EYS: variants seen among roughly 807,000 people sequenced by gnomAD.
The protein encoded by EYS is EGF-like photoreceptor maintenance factor, also known as protein eyes shut homolog.
EYS carries 250 observed loss-of-function variants against 282.1 expected under a neutral mutation model. The ratio of observed to expected loss-of-function variants is 0.89; its 90% confidence interval spans 0.80 to 0.98. The LOEUF is 0.98. EYS is among the 50% of genes least tolerant of loss of function. The probability of loss-of-function intolerance (pLI) is 0.00; values close to 1 mark genes in which losing one functional copy is unlikely to be tolerated. For synonymous variants in EYS, 1,355 were observed against 1,282.9 expected (o/e 1.06, Z -1.20); for missense variants, 4,016 against 3,709.0 (o/e 1.08, Z -2.15).
intron 33 of EYS, among the ~76,000 whole-genome samples, chr6:64,018,011 T>C (rs1768978947): frequency 6.6e-6 from 1 of 152,196 alleles, no homozygotes; most frequent in Admixed American, 6.5e-5. Context: ...TGCAGTAGCA[T>C]TTCTACCTCC....
chr6:64,489,351 C>T (rs1032682364), intron 26 of EYS, among the ~76,000 whole-genome samples: 2 of 150,516 alleles, frequency 1.3e-5, no homozygotes, highest in African/African-American at 4.9e-5. Context: ...AGTGGTCAGA[C>T]AATTGAGCTT....
At chr6:64,795,931 G>A (rs1336577097) in intron 22 of EYS, among the ~76,000 whole-genome samples, 1 of 152,172 alleles carries the variant, frequency 6.6e-6, no homozygotes, top group Non-Finnish European at 1.5e-5. Context: ...TACAGAAATG[G>A]AGAGAGATGC....
intron 35 of EYS, among the ~76,000 whole-genome samples, chr6:63,967,176 T>A (rs1766349067): frequency 6.6e-6 from 1 of 152,182 alleles, no homozygotes; most frequent in African/African-American, 2.4e-5. Flanking sequence ...ATGGGTTGCA[T>A]ATACAGCATA....
intron 2 of EYS, among the ~76,000 whole-genome samples, chr6:65,548,130 G>A (rs1768460337): frequency 6.6e-6 from 1 of 152,122 alleles, no homozygotes; most frequent in African/African-American, 2.4e-5. Flanking sequence ...GGTGTTATCT[G>A]CTACTAACAA....
intron 26 of EYS, among the ~76,000 whole-genome samples, chr6:64,522,999 GA>G (rs895007630): frequency 2.0e-5 from 3 of 150,408 alleles, no homozygotes; most frequent in Non-Finnish European, 4.4e-5. Flanking sequence ...CTTTTCAAAA[GA>G]AAAAAATGTC....
intron 22 of EYS, among the ~76,000 whole-genome samples, chr6:64,672,781 G>A (rs1366711536): frequency 6.6e-6 from 1 of 151,866 alleles, no homozygotes; most frequent in Middle Eastern, 3.2e-3. Flanking sequence ...CTGACAACCA[G>A]AAAAAAACAG....
chr6:64,890,242 A>C (rs191567806), intron 18 of EYS, among the ~76,000 whole-genome samples: 111 of 152,248 alleles, frequency 7.3e-4, no homozygotes, highest in Admixed American at 1.8e-3. Context: ...AAACTTCATT[A>C]GCAATTTTAA....
At chr6:64,223,165 C>T (rs1026510535) in intron 31 of EYS, among the ~76,000 whole-genome samples, 6 of 151,974 alleles carry the variant, frequency 3.9e-5, no homozygotes, top group African/African-American at 9.7e-5. Context: ...TGCATGATCA[C>T]TGAATACCAA....
intron 11 of EYS, among the ~76,000 whole-genome samples, chr6:65,301,725 G>C (rs1447292228): frequency 1.3e-5 from 2 of 152,228 alleles, no homozygotes; most frequent in African/African-American, 4.8e-5. Flanking sequence ...GAGCAACAGG[G>C]ACACTTCCGT....
intron 35 of EYS, among the ~76,000 whole-genome samples, chr6:63,936,408 T>C (rs1396558057): frequency 2.0e-5 from 3 of 152,250 alleles, no homozygotes; most frequent in Non-Finnish European, 4.4e-5. Context: ...CATATTTCCC[T>C]ATAGCCTTTA....
chr6:64,399,487 G>A (rs2150435129), intron 28 of EYS, among the ~76,000 whole-genome samples: 1 of 151,808 alleles, frequency 6.6e-6, no homozygotes, highest in African/African-American at 2.4e-5. Flanking sequence ...CCACAATTAT[G>A]TAGTAATTAA....
At chr6:64,642,129 A>T (rs1428073513) in intron 22 of EYS, among the ~76,000 whole-genome samples, 1 of 152,180 alleles carries the variant, frequency 6.6e-6, no homozygotes, top group Non-Finnish European at 1.5e-5. Context: ...GAAATCTGGA[A>T]TCACCAACTC....
intron 26 of EYS, among the ~76,000 whole-genome samples, chr6:64,487,974 A>G (rs1288308735): frequency 1.3e-5 from 2 of 150,970 alleles, no homozygotes; most frequent in African/African-American, 2.4e-5. Flanking sequence ...CAGTTGAACA[A>G]AATGTCTCAA....
chr6:65,236,089 A>G (rs1256280927), intron 12 of EYS, among the ~76,000 whole-genome samples: 9 of 152,092 alleles, frequency 5.9e-5, no homozygotes, highest in African/African-American at 1.9e-4. Flanking sequence ...AAATATTATT[A>G]GTAGCATTAA....
intron 12 of EYS, among the ~76,000 whole-genome samples, chr6:65,158,219 T>C (rs775024670): frequency 6.6e-5 from 10 of 150,952 alleles, no homozygotes; most frequent in South Asian, 6.2e-4. Context: ...ATTTGATAAC[T>C]GCATAAAACA....
chr6:65,310,084 C>T (rs1769114692), intron 11 of EYS, among the ~76,000 whole-genome samples: 1 of 152,202 alleles, frequency 6.6e-6, no homozygotes, highest in Non-Finnish European at 1.5e-5. Flanking sequence ...TGGCTCATGC[C>T]TGTCATCCCA....
chr6:64,729,539 T>A (rs142461196), intron 22 of EYS, among the ~76,000 whole-genome samples: 91 of 152,318 alleles, frequency 6.0e-4, no homozygotes, highest in African/African-American at 2.1e-3. Flanking sequence ...AACAAGTGAA[T>A]GTAGTTCACA....
chr6:65,495,170 G>A lies in EYS; in HGVS notation c.241C>T (p.Gln81Ter). 3 of 1,613,988 alleles carry A rather than the reference G, an allele frequency of 1.9e-6. No homozygotes were observed. Among genetic ancestry groups the A allele is most frequent in the Non-Finnish European group, 2.5e-6 (3 of 1,179,884 alleles). The change falls in exon 4 of 43, where the codon CAA (glutamine) becomes TAA (stop). Residue 81 changes from glutamine to a stop codon, truncating the protein, a stop_gained. Transcript: ENST00000503581. LOFTEE classifies it high-confidence loss of function. ...NQAVPQICPL[Q>*]IQLGDILVIS... is the part of the protein sequence containing the mutation. ...ACAAGGATATCTCCTAATTGAATTT[G>A]CAAAGGGCAAATCTGGGGAACAGCT...
intron 11 of EYS, chr6:65,332,369 TTCTA>T: frequency 1.0e-6 from 1 of 961,378 alleles, no homozygotes; most frequent in Non-Finnish European, 1.6e-6. Flanking sequence ...GTATAAACCT[TTCTA>T]TATGTTGCTG....
Sources: allele counts gnomAD v4.1 joint callset (sites outside exome capture counted in the v4.1 genomes callset), GRCh38; gene constraint gnomAD v4.1.1; transcripts MANE v1.5; gene names NCBI Gene and HGNC (gene_info 2026-07-23, HGNC 2026-07-21).